Variants in GRIP2 observed in about 807,000 individuals in gnomAD.
GRIP2 encodes glutamate receptor-interacting protein 2.
In GRIP2, 58 loss-of-function variants were observed where a neutral mutation model predicts 108.3. That is an observed-to-expected ratio of 0.54 (90% confidence interval 0.43 to 0.67). The LOEUF is 0.67. Among genes scored for constraint, GRIP2 ranks in the 30% least tolerant of loss-of-function variants. The pLI, the probability that GRIP2 is intolerant of heterozygous loss-of-function variation, is 0.00. For synonymous variants in GRIP2, 586 were observed against 598.2 expected, an observed-to-expected ratio of 0.98 and a Z score of 0.30; for missense variants, 1,278 against 1,430.6, an observed-to-expected ratio of 0.89 and a Z score of 1.72.
Position 14,496,443 on chromosome 3 carries a change from G to A in GRIP2, c.2797C>T (p.Leu933=). The part of the protein sequence containing the change: ...ASPAEMEELL[L]PTPLEMHKVT... ...TTGTGCATCTCCAAGGGTGTAGGCA[G>A]CAACAGCTCCTCCATTTCTGCAGGA... is the stretch of plus-strand genomic sequence containing the variant. The change falls in exon 22 of 24, where the codon CTG becomes TTG. Residue 933 remains leucine, a synonymous_variant. Transcript: ENST00000621039. 1 of 1,612,318 alleles carries A rather than the reference G, an allele frequency of 6.2e-7. No individual in the cohort carries two copies. The highest frequency in any genetic ancestry group is 8.5e-7 in the Non-Finnish European group (1 of 1,179,182).
chr3:14,574,588 A>T, the GRIP2 span: 1 of 719,006 alleles, frequency 1.4e-6, no homozygotes, highest in African/African-American at 1.7e-5. Context: ...TCGTCCGGGT[A>T]TGTGGACAGC....
chr3:14,512,639 C>T lies in GRIP2; in HGVS notation c.1720+138G>A. Reference sequence around the variant, plus strand: ...CGCAGCTGGGTCCACGGAAGCCAGCCTCCCCACACCCCCAAGCCTTTTCCT... The same window carrying T: ...CGCAGCTGGGTCCACGGAAGCCAGCTTCCCCACACCCCCAAGCCTTTTCCT... On this transcript the variant is annotated intron_variant, in intron 14 of 23. Coordinates refer to ENST00000621039, the MANE Select transcript of GRIP2 (RefSeq NM_001080423.4). This position sits in a 1 kb window ranked among gnomAD's most constrained non-coding sequence, Gnocchi z 5.1. 1.3e-6 allele frequency: 1 copy of T among 750,034 alleles called. No individual in the cohort carries two copies. The highest frequency in any genetic ancestry group is 2.2e-6 in the Non-Finnish European group (1 of 460,716). The allele number at this position is 750,034 out of a possible 1,614,324, so 46.5% of individuals were successfully genotyped here.
At chr3:14,602,876 C>G in the GRIP2 span, among the ~76,000 whole-genome samples, 1 of 151,134 alleles carries the variant, frequency 6.6e-6, no homozygotes, top group Non-Finnish European at 1.5e-5. The surrounding 1 kb of genome is among the most constrained non-coding windows in gnomAD (Gnocchi z 4.7). Context: ...GTCCGCCCTC[C>G]GCACCCCGCG....
intron 19 of GRIP2, among the ~76,000 whole-genome samples, chr3:14,506,442 G>T (rs567497776): frequency 6.6e-6 from 1 of 152,198 alleles, no homozygotes; most frequent in African/African-American, 2.4e-5. Context: ...TTTTCAACTG[G>T]ATGGAATGAA....
At chr3:14,495,695 G>A (rs1456854042) in intron 22 of GRIP2, among the ~76,000 whole-genome samples, 5 of 152,160 alleles carry the variant, frequency 3.3e-5, no homozygotes, top group African/African-American at 4.8e-5. Flanking sequence ...ATGAGCCACC[G>A]CGACCAGCTC....
chr3:14,593,917 A>G, the GRIP2 span, among the ~76,000 whole-genome samples: 1 of 152,152 alleles, frequency 6.6e-6, no homozygotes. Context: ...GTGAAAGCTC[A>G]TCCAAGCTCT....
chr3:14,544,449 G>A (rs529393453), upstream of GRIP2, among the ~76,000 whole-genome samples: 26 of 152,258 alleles, frequency 1.7e-4, no homozygotes, highest in African/African-American at 5.5e-4. Flanking sequence ...GGGCCTTGTC[G>A]GGGGTGCCCC....
rs748752462 is a variant in GRIP2, at chr3:14,511,705, G to T, written c.1721-226C>A. Reference sequence around the variant, plus strand: ...CGCAGACCTCATGGGGATGTGGTGAGAGTAAACCAGATAACACAGGCACAA... The same window carrying T: ...CGCAGACCTCATGGGGATGTGGTGATAGTAAACCAGATAACACAGGCACAA... On this transcript the variant is annotated intron_variant, in intron 14 of 23. Coordinates refer to ENST00000621039, the MANE Select transcript of GRIP2 (RefSeq NM_001080423.4). The surrounding 1 kb of genome is among the most constrained non-coding windows in gnomAD (Gnocchi z 4.1). 6.6e-6 allele frequency among the ~76,000 whole-genome samples: 1 copy of T among 152,220 alleles called. No homozygotes were observed. Among genetic ancestry groups the T allele is most frequent in the Middle Eastern group, 3.2e-3 (1 of 316 alleles).
the GRIP2 span, chr3:14,572,852 G>A: frequency 1.8e-6 from 2 of 1,130,036 alleles, no homozygotes; most frequent in Non-Finnish European, 2.7e-6. Context: ...AGCCAGCTCG[G>A]TGGAGCTGAG....
chr3:14,520,217 C>G lies in GRIP2; in HGVS notation c.923G>C (p.Cys308Ser). Residue 308 changes from cysteine to serine, a missense_variant, in exon 9 of 24, where the codon TGC becomes TCC. By Grantham distance (112) the Cys-to-Ser change is moderately radical. Transcript: ENST00000621039. The part of the protein sequence containing the change: ...LSIDGTSMEH[C>S]SLLEATKLLA... Reference sequence around the variant, plus strand: ...GAGCTTGGTGGCCTCAAGCAGCGAGCAGTGTTCCATGCTGGTGCCATCGAT... The same window carrying G: ...GAGCTTGGTGGCCTCAAGCAGCGAGGAGTGTTCCATGCTGGTGCCATCGAT... The G allele has an allele frequency of 6.2e-7, 1 of 1,613,804 alleles. No homozygotes were observed. The highest frequency in any genetic ancestry group is 8.5e-7 in the Non-Finnish European group (1 of 1,179,876).
At chr3:14,556,279 T>C (rs1695236330), upstream of GRIP2, among the ~76,000 whole-genome samples, 1 of 152,048 alleles carries the variant, frequency 6.6e-6, no homozygotes, top group Non-Finnish European at 1.5e-5. Context: ...CACCCCACCT[T>C]TTGCTGAAAT....
At chr3:14,565,700 C>T in the GRIP2 span, among the ~76,000 whole-genome samples, 10 of 152,266 alleles carry the variant, frequency 6.6e-5, no homozygotes, top group Admixed American at 4.6e-4. Flanking sequence ...GCCTTGGGAA[C>T]GGGAAAGTGG....
intron 21 of GRIP2, among the ~76,000 whole-genome samples, chr3:14,501,380 G>A (rs1693760092): frequency 6.6e-6 from 1 of 152,126 alleles, no homozygotes; most frequent in Admixed American, 6.6e-5. Flanking sequence ...TGATAAACAG[G>A]AAGTTTACAT....
Position 14,520,216 on chromosome 3 carries a change from G to A in GRIP2, c.924C>T (p.Cys308=). Residue 308 remains cysteine, a synonymous_variant, in exon 9 of 24, where the codon TGC becomes TGT. Transcript: ENST00000621039. ...GGAGCTTGGTGGCCTCAAGCAGCGA[G>A]CAGTGTTCCATGCTGGTGCCATCGA... ...LSIDGTSMEH[C]SLLEATKLLA... 1 of 1,613,810 alleles carries A rather than the reference G, an allele frequency of 6.2e-7. No individual in the cohort carries two copies. Among genetic ancestry groups the A allele is most frequent in the South Asian group, 1.1e-5 (1 of 91,008 alleles).
chr3:14,553,897 G>T (rs563212290), intron 1 of GRIP2, among the ~76,000 whole-genome samples: 75 of 152,296 alleles, frequency 4.9e-4, no homozygotes, highest in African/African-American at 1.7e-3. Flanking sequence ...GGAGTGGAGA[G>T]GGGTCGGGCA....
the GRIP2 span, among the ~76,000 whole-genome samples, chr3:14,583,562 C>T: frequency 6.6e-6 from 1 of 152,154 alleles, no homozygotes; most frequent in African/African-American, 2.4e-5. Flanking sequence ...GGCTGGGAGG[C>T]TGAGAGGGAA....
upstream of GRIP2, chr3:14,540,483 G>A: frequency 6.9e-7 from 1 of 1,456,668 alleles, no homozygotes; most frequent in Non-Finnish European, 9.2e-7. The surrounding 1 kb of genome is among the most constrained non-coding windows in gnomAD (Gnocchi z 4.1). Flanking sequence ...CATGGCTATT[G>A]TCAAGGCTGG....
chr3:14,506,012 G>T (rs1004990371), intron 19 of GRIP2, among the ~76,000 whole-genome samples: 1 of 152,170 alleles, frequency 6.6e-6, no homozygotes, highest in Non-Finnish European at 1.5e-5. Flanking sequence ...CAACTCCATC[G>T]GCCTGGGCTT....
At chr3:14,506,529 C>T (rs1252878162) in intron 19 of GRIP2, among the ~76,000 whole-genome samples, 2 of 152,208 alleles carry the variant, frequency 1.3e-5, no homozygotes, top group African/African-American at 4.8e-5. Context: ...CAACTTTGTC[C>T]GTAACTTCAC....
Sources: allele counts gnomAD v4.1 joint callset (sites outside exome capture counted in the v4.1 genomes callset), GRCh38; gene constraint gnomAD v4.1.1; non-coding constraint Gnocchi (gnomAD v3.1); transcripts MANE v1.5; gene names NCBI Gene and HGNC (gene_info 2026-07-23, HGNC 2026-07-21).